TNFAIP8: variants seen among roughly 807,000 people sequenced by gnomAD.
TNFAIP8 encodes tumor necrosis factor alpha-induced protein 8.
In TNFAIP8, 7 loss-of-function variants were observed where a neutral mutation model predicts 13.3. The observed-to-expected ratio is 0.52, with a 90% CI of 0.30 to 0.99. The LOEUF is 0.99. TNFAIP8 is among the 50% of genes least tolerant of loss of function. The probability of loss-of-function intolerance (pLI) is 0.07; values close to 1 mark genes in which losing one functional copy is unlikely to be tolerated. For missense variants in TNFAIP8, 258 were observed against 236.9 expected (o/e 1.09, Z -0.58); for synonymous variants, 94 against 87.6 (o/e 1.07, Z -0.41).
intron 1 of TNFAIP8, among the ~76,000 whole-genome samples, chr5:119,360,390 G>T (rs540284916): frequency 6.6e-6 from 1 of 152,300 alleles, no homozygotes; most frequent in South Asian, 2.1e-4. Flanking sequence ...TTATAGACCT[G>T]TCTTCATTTA....
chr5:119,349,303 A>G (rs1054686368), intron 1 of TNFAIP8, among the ~76,000 whole-genome samples: 4 of 152,254 alleles, frequency 2.6e-5, no homozygotes, highest in African/African-American at 9.6e-5. Flanking sequence ...TGGAAAAGTG[A>G]AGAGGGGAAC....
At chr5:119,298,168 T>C (rs1273394337) in intron 1 of TNFAIP8, among the ~76,000 whole-genome samples, 3 of 152,218 alleles carry the variant, frequency 2.0e-5, no homozygotes, top group African/African-American at 7.2e-5. Context: ...GCTGGTTATT[T>C]TGCTCGTTAG....
At chr5:119,331,254 C>T (rs984980750) in intron 1 of TNFAIP8, among the ~76,000 whole-genome samples, 48 of 141,178 alleles carry the variant, frequency 3.4e-4, no homozygotes, top group African/African-American at 1.2e-3. Flanking sequence ...TTTTTTTAAA[C>T]ATAAGGCTAT....
intron 1 of TNFAIP8, among the ~76,000 whole-genome samples, chr5:119,343,163 T>C (rs1209837875): frequency 6.6e-6 from 1 of 152,206 alleles, no homozygotes; most frequent in Admixed American, 6.5e-5. Context: ...TAAGGTTGCC[T>C]CTGTAAAGAT....
chr5:119,355,952 C>A, upstream of TNFAIP8: 1 of 1,458,116 alleles, frequency 6.9e-7, no homozygotes, highest in South Asian at 1.2e-5. Flanking sequence ...CCCGCTCTCC[C>A]GCCCCGGGGA....
At chr5:119,330,777 GAGA>G (rs1750352872) in intron 1 of TNFAIP8, among the ~76,000 whole-genome samples, 1 of 152,158 alleles carries the variant, frequency 6.6e-6, no homozygotes, top group South Asian at 2.1e-4. Context: ...CAGAGAGATA[GAGA>G]AGAAGTACCA....
At chr5:119,378,709 A>G (rs1752371763) in intron 1 of TNFAIP8, among the ~76,000 whole-genome samples, 1 of 152,350 alleles carries the variant, frequency 6.6e-6, no homozygotes, top group East Asian at 1.9e-4. Context: ...TGTTTTGGCA[A>G]AGGGCAGGGA....
Position 119,308,854 on chromosome 5 carries a change from C to CAA in TNFAIP8, c.1+39966_1+39967dup, listed in dbSNP as rs61628819. ...TGGGTTGCAGAGTGAGACTCCATCTCAAAAAAAAAAAAAAAAAAAAGACCA... is the reference window on the plus strand; with the variant it reads ...TGGGTTGCAGAGTGAGACTCCATCTCAAAAAAAAAAAAAAAAAAAAAAGACCA... On this transcript the variant is annotated intron_variant, in intron 1 of 1. Transcript: ENST00000274456. Among the ~76,000 whole-genome samples, 383 of 57,988 alleles carry CAA rather than the reference C, an allele frequency of 6.6e-3. 7 individuals carry two copies. The East Asian group carries it at 0.096, about 15-fold the overall frequency. The allele number at this position is 57,988 out of a possible 152,430, so 38.0% of individuals were successfully genotyped here.
chr5:119,301,373 C>T (rs748145233), intron 1 of TNFAIP8, among the ~76,000 whole-genome samples: 52 of 152,316 alleles, frequency 3.4e-4, no homozygotes, highest in Middle Eastern at 6.8e-3. Flanking sequence ...GCCTTCTTTA[C>T]TGGCCAGATC....
At chr5:119,370,738 A>C (rs914017397) in intron 1 of TNFAIP8, among the ~76,000 whole-genome samples, 1 of 152,198 alleles carries the variant, frequency 6.6e-6, no homozygotes, top group African/African-American at 2.4e-5. Context: ...ATATATAAAA[A>C]TATTTCACAT....
intron 1 of TNFAIP8, among the ~76,000 whole-genome samples, chr5:119,277,205 C>G (rs1235243771): frequency 6.6e-6 from 1 of 152,154 alleles, no homozygotes; most frequent in Non-Finnish European, 1.5e-5. Flanking sequence ...ATACGGGGGA[C>G]TACTGAGGAG....
chr5:119,352,052 T>A (rs572722991), upstream of TNFAIP8, among the ~76,000 whole-genome samples: 47 of 152,252 alleles, frequency 3.1e-4, no homozygotes, highest in South Asian at 9.3e-3. Context: ...CCTCCCAAAG[T>A]GCTGGGATTA....
intron 1 of TNFAIP8, among the ~76,000 whole-genome samples, chr5:119,294,803 A>C (rs904594484): frequency 1.3e-5 from 2 of 151,828 alleles, no homozygotes; most frequent in African/African-American, 4.8e-5. Context: ...GATGGTGAGC[A>C]TTTTTTCATG....
At chr5:119,348,509 G>C (rs151035244) in intron 1 of TNFAIP8, among the ~76,000 whole-genome samples, 459 of 152,236 alleles carry the variant, frequency 3.0e-3, no homozygotes, top group African/African-American at 0.011. Flanking sequence ...TGGTAATAAA[G>C]TTTGTCAAGG....
At chr5:119,344,633 CTTGT>C (rs1253366421) in intron 1 of TNFAIP8, among the ~76,000 whole-genome samples, 1 of 152,052 alleles carries the variant, frequency 6.6e-6, no homozygotes, top group Non-Finnish European at 1.5e-5. Context: ...AACCCACTGT[CTTGT>C]TTAAGGGAAA....
chr5:119,331,862 G>C (rs1439748610), intron 1 of TNFAIP8, among the ~76,000 whole-genome samples: 1 of 152,184 alleles, frequency 6.6e-6, no homozygotes, highest in Non-Finnish European at 1.5e-5. Context: ...TTTAGATGCA[G>C]TATTTCTGCT....
intron 1 of TNFAIP8, among the ~76,000 whole-genome samples, chr5:119,345,998 T>A (rs1329980408): frequency 2.6e-5 from 4 of 151,966 alleles, no homozygotes; most frequent in African/African-American, 9.7e-5. Context: ...ATAGCAGATA[T>A]AAGGAGCAGC....
rs111693380 is a variant in TNFAIP8 at position 119,300,960 on chromosome 5, G to A, written c.1+32053G>A. Among the ~76,000 whole-genome samples the A allele has an allele frequency of 1.2e-3, 176 of 152,236 alleles. 1 individual carries two copies. Among genetic ancestry groups the A allele is most frequent in the African/African-American group, 4.0e-3 (166 of 41,534 alleles). On this transcript the variant is annotated intron_variant, in intron 1 of 1. Coordinates refer to the TNFAIP8 transcript ENST00000274456. Reference sequence around the variant, plus strand: ...GACCATCTCCGAGGCACAGTTTTAGGGTGCCTCACACTAAAAGCATTACAA... The same window carrying A: ...GACCATCTCCGAGGCACAGTTTTAGAGTGCCTCACACTAAAAGCATTACAA...
intron 1 of TNFAIP8, among the ~76,000 whole-genome samples, chr5:119,304,586 T>C (rs1031240284): frequency 3.1e-4 from 47 of 152,200 alleles, no homozygotes; most frequent in African/African-American, 1.0e-3. Flanking sequence ...CTGAATATGA[T>C]GCCTAGTCCT....
Sources: allele counts gnomAD v4.1 joint callset (sites outside exome capture counted in the v4.1 genomes callset), GRCh38; gene constraint gnomAD v4.1.1; transcripts MANE v1.5; gene names NCBI Gene and HGNC (gene_info 2026-07-23, HGNC 2026-07-21).